Variants in SOCS7 observed in about 807,000 individuals in gnomAD.
SOCS7 encodes suppressor of cytokine signaling 7, also known as NAP-4.
Under a neutral mutation model 58.9 loss-of-function variants are expected in SOCS7, and 18 were observed. The observed-to-expected ratio is 0.31, with a 90% CI of 0.21 to 0.45. The LOEUF is 0.45. Ranked by LOEUF, SOCS7 falls within the 20% of genes least tolerant of loss-of-function variation. The probability of loss-of-function intolerance (pLI) is 1.00; values close to 1 mark genes in which losing one functional copy is unlikely to be tolerated. For synonymous variants in SOCS7, 388 were observed against 364.3 expected (o/e 1.06, Z -0.74); for missense variants, 667 against 837.3 (o/e 0.80, Z 2.51).
chr17:38,376,539 C>T (rs1567744064), intron 6 of SOCS7, among the ~76,000 whole-genome samples: 6 of 152,080 alleles, frequency 3.9e-5, no homozygotes, highest in Admixed American at 3.9e-4. Flanking sequence ...CGAGGCTAGC[C>T]TGACCAACGT....
intron 7 of SOCS7, among the ~76,000 whole-genome samples, chr17:38,388,279 A>G (rs74949838): frequency 0.035 from 5,281 of 152,066 alleles, 304 homozygotes; most frequent in African/African-American, 0.12. Flanking sequence ...TCAAGGCCAA[A>G]GAAGGTAGAT....
intron 6 of SOCS7, among the ~76,000 whole-genome samples, chr17:38,375,077 T>G (rs2037914243): frequency 6.6e-6 from 1 of 152,144 alleles, no homozygotes; most frequent in Non-Finnish European, 1.5e-5. Flanking sequence ...GGCTGGTAGC[T>G]TCAGCTATTC....
Position 38,401,589 on chromosome 17 carries a change from G to A in SOCS7, c.*2107G>A, listed in dbSNP as rs942535041. The A allele has an allele frequency of 6.6e-6, 1 of 152,102 alleles. No homozygotes were observed. Among genetic ancestry groups the A allele is most frequent in the African/African-American group, 2.4e-5 (1 of 41,406 alleles). 9.4% of individuals were successfully genotyped at this position (152,102 alleles called of 1,614,324 possible). A position where few individuals can be genotyped will look rare whatever the true frequency, so the allele number is the denominator to read the frequency against. The stretch of plus-strand genomic sequence containing the variant: ...ATATGTGGCCTAAGGGAGCTTTTAG[G>A]TGACTGCTGCACATCAAGCAGAAAA... On this transcript the variant is annotated 3_prime_UTR_variant, in exon 10 of 10. Coordinates refer to ENST00000612932, the MANE Select transcript of SOCS7 (RefSeq NM_014598.4).
In SOCS7 at chr17:38,403,973, A is replaced by T. The variant is rs2038356365; in HGVS notation, c.*4491A>T. 1 of 152,064 alleles carries T rather than the reference A, an allele frequency of 6.6e-6. No individual in the cohort carries two copies. The highest frequency in any genetic ancestry group is 2.4e-5 in the African/African-American group (1 of 41,408). The allele number at this position is 152,064 out of a possible 1,614,324, so 9.4% of individuals were successfully genotyped here. Reference sequence around the variant, plus strand: ...GGGAGTAAAACCTTTTTTATTAAAAAAAGAAAAAGAAAAAAAAAAGAAAGA... The same window carrying T: ...GGGAGTAAAACCTTTTTTATTAAAATAAGAAAAAGAAAAAAAAAAGAAAGA... On this transcript the variant is annotated 3_prime_UTR_variant, in exon 10 of 10. Transcript: ENST00000612932.
chr17:38,396,094 T>C, intron 9 of SOCS7, 96 bp downstream of exon 9: 1 of 1,026,822 alleles, frequency 9.7e-7, no homozygotes. Context: ...ACTCCCAACA[T>C]GGATAGCCCC....
chr17:38,359,175 G>A (rs143371400), intron 1 of SOCS7, among the ~76,000 whole-genome samples: 1 of 152,356 alleles, frequency 6.6e-6, no homozygotes, highest in Non-Finnish European at 1.5e-5. Context: ...CTCTTCAGCA[G>A]TCCTAAAGTT....
At chr17:38,392,438 A>G (rs2038183892) in intron 7 of SOCS7, among the ~76,000 whole-genome samples, 1 of 152,232 alleles carries the variant, frequency 6.6e-6, no homozygotes, top group African/African-American at 2.4e-5. Flanking sequence ...TATTACAGCC[A>G]ATCCCCCAAA....
intron 5 of SOCS7, among the ~76,000 whole-genome samples, chr17:38,367,447 C>T (rs1284091865): frequency 2.0e-5 from 3 of 151,200 alleles, no homozygotes; most frequent in African/African-American, 4.9e-5. Flanking sequence ...AATACCAGCT[C>T]ACTGCAACCT....
rs115498835 is a variant in SOCS7, at chr17:38,391,247, A to G, written c.1682-4062A>G. Among the ~76,000 whole-genome samples the G allele has an allele frequency of 9.9e-3, 1,506 of 152,304 alleles. 22 individuals are homozygous for G. Among genetic ancestry groups the G allele is most frequent in the African/African-American group, 0.033 (1,375 of 41,538 alleles). ...AACATGTATGTGGTAAAAAGGTCAA[A>G]TAGTGCGCAAGGGAATATAAGGAAA... On this transcript the variant is annotated intron_variant, in intron 7 of 9. Coordinates refer to ENST00000612932, the MANE Select transcript of SOCS7 (RefSeq NM_014598.4).
chr17:38,364,389 G>A (rs2037759514), intron 2 of SOCS7, among the ~76,000 whole-genome samples: 1 of 152,150 alleles, frequency 6.6e-6, no homozygotes, highest in Non-Finnish European at 1.5e-5. Context: ...TGCTTCCTAA[G>A]GCAGAAATTG....
intron 7 of SOCS7, among the ~76,000 whole-genome samples, chr17:38,392,510 C>G (rs955590885): frequency 5.9e-5 from 9 of 152,318 alleles, no homozygotes; most frequent in African/African-American, 2.2e-4. Flanking sequence ...AGGGACAGGA[C>G]AAATTCAAAG....
At chr17:38,364,695 C>T in intron 2 of SOCS7, 57 bp from the exon 3 acceptor site, 1 of 1,432,576 alleles carries the variant, frequency 7.0e-7, no homozygotes, top group Middle Eastern at 1.7e-4. Context: ...CCTTTGCTTT[C>T]TGCATCAGCT....
At chr17:38,380,335 T>C in intron 7 of SOCS7, among the ~76,000 whole-genome samples, 1 of 152,144 alleles carries the variant, frequency 6.6e-6, no homozygotes, top group Middle Eastern at 3.2e-3. Flanking sequence ...TAGATCAATC[T>C]ATTAAAATAA....
chr17:38,367,862 C>G lies in SOCS7; in HGVS notation c.1384-20C>G. ...TTTCTCTGTCCTGATAACTAGTGGA[C>G]TGCTTCTTGTCTTTGATAGTGTGGT... is the stretch of plus-strand genomic sequence containing the variant. On this transcript the variant is annotated intron_variant, in intron 5 of 9. Transcript: ENST00000612932. 1 of 1,610,038 alleles carries G rather than the reference C, an allele frequency of 6.2e-7. No homozygotes were observed. The highest frequency in any genetic ancestry group is 1.1e-5 in the South Asian group (1 of 90,794).
chr17:38,372,695 G>A (rs569638329), intron 6 of SOCS7, among the ~76,000 whole-genome samples: 2 of 152,166 alleles, frequency 1.3e-5, no homozygotes, highest in South Asian at 4.1e-4. Context: ...CCCCTAAGAG[G>A]CAGAGAAAAG....
At chr17:38,353,197 G>A (rs576823390) in intron 1 of SOCS7, among the ~76,000 whole-genome samples, 165 bp downstream of exon 1, 74 of 152,220 alleles carry the variant, frequency 4.9e-4, no homozygotes, top group Non-Finnish European at 9.1e-4. Context: ...AGCGCTAATT[G>A]TGGAAACAGC....
rs530095690 is a variant in SOCS7, at chr17:38,398,508, A to G, written c.*31-1005A>G. On this transcript the variant is annotated intron_variant, in intron 9 of 9. Coordinates refer to ENST00000612932, the MANE Select transcript of SOCS7 (RefSeq NM_014598.4). Reference sequence around the variant, plus strand: ...GTGATCCACCCACCTTGGCCTCCCAAAGTTCTGGGATTACAGGCATGAGCC... The same window carrying G: ...GTGATCCACCCACCTTGGCCTCCCAGAGTTCTGGGATTACAGGCATGAGCC... Among the ~76,000 whole-genome samples, 7 of 152,188 alleles carry G rather than the reference A, an allele frequency of 4.6e-5. No homozygotes were observed. The South Asian group carries it at 1.2e-3, about 27-fold the overall frequency.
intron 5 of SOCS7, 39 bp downstream of exon 5, chr17:38,366,456 C>T: frequency 6.2e-7 from 1 of 1,610,360 alleles, no homozygotes; most frequent in South Asian, 1.1e-5. Flanking sequence ...ACTTCTCCTC[C>T]CATTAGCTAA....
At position 38,352,884 on chromosome 17, in the gene SOCS7, C is replaced by T. The variant is rs1223880456; in HGVS notation, c.832C>T (p.Leu278Phe). The part of the protein sequence containing the change: ...PSRKGSFKIR[L>F]SRLFRTKSCN... ...TCGGAAGGGCTCCTTCAAAATCCGC[C>T]TCAGTCGCCTCTTTCGCACCAAGAG... The change falls in exon 1 of 10, where the codon CTC becomes TTC. Residue 278 changes from leucine (L) to phenylalanine (F), a missense_variant. Coordinates refer to ENST00000612932, the MANE Select transcript of SOCS7 (RefSeq NM_014598.4). This position sits in a 1 kb window ranked among gnomAD's most constrained non-coding sequence, Gnocchi z 5.5. 3.8e-6 allele frequency: 6 copies of T among 1,598,614 alleles called. No individual in the cohort carries two copies. The highest frequency in any genetic ancestry group is 1.1e-5 in the South Asian group (1 of 88,124).
Sources: gnomAD v4.1 joint callset for allele counts (sites outside exome capture counted in the v4.1 genomes callset) on GRCh38, gnomAD v4.1.1 for gene constraint, Gnocchi (gnomAD v3.1) non-coding constraint, MANE v1.5 for transcripts, NCBI Gene and HGNC (gene_info 2026-07-23, HGNC 2026-07-21) for gene names.